The following ZC3H12B variants were observed in gnomAD, a reference collection of about 807,000 sequenced individuals.
ZC3H12B encodes the protein zinc finger CCCH-type containing 12B.
A neutral mutation model predicts 43.9 loss-of-function variants in ZC3H12B; 7 were observed. The observed-to-expected ratio is 0.16, with a 90% CI of 0.09 to 0.30. ZC3H12B has a LOEUF of 0.30. ZC3H12B is among the 10% of genes least tolerant of loss of function. The probability of loss-of-function intolerance (pLI) is 1.00; values close to 1 mark genes in which losing one functional copy is unlikely to be tolerated. For missense variants in ZC3H12B, 475 were observed against 670.2 expected (o/e 0.71, Z 3.22); for synonymous variants, 222 against 241.7 (o/e 0.92, Z 0.76).
chrX:65,252,220 T>C, the ZC3H12B span, among the ~76,000 whole-genome samples: 1 of 111,774 alleles, frequency 8.9e-6, no homozygotes, highest in African/African-American at 3.3e-5. Flanking sequence ...TTGGTTCTGT[T>C]TATATGCTGG....
the ZC3H12B span, among the ~76,000 whole-genome samples, chrX:65,080,882 C>T: frequency 3.6e-5 from 4 of 111,271 alleles, no homozygotes; most frequent in South Asian, 1.5e-3. Context: ...AGTAGAAAGA[C>T]TAAATGATGA....
At chrX:65,356,484 A>G in the ZC3H12B span, among the ~76,000 whole-genome samples, 4 of 111,973 alleles carry the variant, frequency 3.6e-5, no homozygotes, top group Non-Finnish European at 5.6e-5. Context: ...ACTGAATACA[A>G]TGGTCTTGTG....
the ZC3H12B span, among the ~76,000 whole-genome samples, chrX:65,308,127 T>C: frequency 6.3e-4 from 70 of 111,303 alleles, no homozygotes; most frequent in African/African-American, 2.2e-3. Context: ...ATAGACCATA[T>C]GATAGGCCAC....
chrX:65,190,548 C>G, the ZC3H12B span, among the ~76,000 whole-genome samples: 2 of 106,067 alleles, frequency 1.9e-5, no homozygotes, highest in South Asian at 8.6e-4. Flanking sequence ...GTATTTTATT[C>G]TCTTTGAAGC....
chrX:65,313,771 A>G, the ZC3H12B span, among the ~76,000 whole-genome samples: 1 of 112,135 alleles, frequency 8.9e-6, no homozygotes, highest in African/African-American at 3.2e-5. Context: ...ACCCAAAATT[A>G]CTTTGCATAG....
chrX:65,163,081 G>T, the ZC3H12B span, among the ~76,000 whole-genome samples: 1 of 111,216 alleles, frequency 9.0e-6, no homozygotes, highest in African/African-American at 3.3e-5. Flanking sequence ...GCAGAACAGC[G>T]GATTTTTGTG....
the ZC3H12B span, among the ~76,000 whole-genome samples, chrX:65,222,656 A>T: frequency 9.4e-6 from 1 of 106,004 alleles, no homozygotes; most frequent in Non-Finnish European, 1.9e-5. Context: ...ATAATAAAAC[A>T]CTTAGGAAAT....
At chrX:65,336,795 G>A in the ZC3H12B span, among the ~76,000 whole-genome samples, 3 of 112,346 alleles carry the variant, frequency 2.7e-5, no homozygotes, top group South Asian at 3.7e-4. Flanking sequence ...TCTTCCACCA[G>A]TTCCATTAGC....
chrX:65,076,365 C>G, the ZC3H12B span, among the ~76,000 whole-genome samples: 1 of 110,779 alleles, frequency 9.0e-6, no homozygotes, highest in South Asian at 3.9e-4. Context: ...TCTCAAACTC[C>G]TGGCCTCAAG....
At chrX:65,263,043 T>G in the ZC3H12B span, among the ~76,000 whole-genome samples, 2 of 111,096 alleles carry the variant, frequency 1.8e-5, no homozygotes, top group Non-Finnish European at 3.8e-5. Flanking sequence ...CTGTATGACT[T>G]TGGGCAAATT....
At chrX:65,151,070 TA>T in the ZC3H12B span, among the ~76,000 whole-genome samples, 303 of 112,672 alleles carry the variant, frequency 2.7e-3, no homozygotes, top group African/African-American at 8.8e-3. Context: ...TAGTCATTTA[TA>T]ATTTTGTTTT....
At chrX:65,328,578 A>C in the ZC3H12B span, 16 of 175,924 alleles carry the variant, frequency 9.1e-5, no homozygotes, top group South Asian at 1.5e-3. Context: ...ATTATACTTT[A>C]AGTTTTAGGG....
the ZC3H12B span, among the ~76,000 whole-genome samples, chrX:65,184,673 G>T: frequency 3.6e-5 from 4 of 111,396 alleles, no homozygotes; most frequent in Non-Finnish European, 7.5e-5. Flanking sequence ...TACTTGAGAT[G>T]TAAAAAGTGT....
At chrX:65,122,102 G>C in the ZC3H12B span, among the ~76,000 whole-genome samples, 5 of 111,244 alleles carry the variant, frequency 4.5e-5, no homozygotes, top group Non-Finnish European at 7.5e-5. Context: ...GTGGTGTGGT[G>C]CTGAGAAGAA....
the ZC3H12B span, among the ~76,000 whole-genome samples, chrX:65,273,718 A>T: frequency 1.8e-5 from 2 of 112,163 alleles, no homozygotes; most frequent in Admixed American, 9.4e-5. Flanking sequence ...ACTTGTGACA[A>T]AAAAGAAAAC....
the ZC3H12B span, among the ~76,000 whole-genome samples, chrX:65,223,775 T>C: frequency 8.9e-6 from 1 of 111,981 alleles, no homozygotes; most frequent in South Asian, 3.7e-4. Context: ...TGTGATACCA[T>C]CCTATTCCTT....
chrX:65,273,451 G>A, the ZC3H12B span, among the ~76,000 whole-genome samples: 1 of 111,125 alleles, frequency 9.0e-6, no homozygotes, highest in African/African-American at 3.3e-5. Flanking sequence ...TAAGGGACTT[G>A]TGGCACATGA....
the ZC3H12B span, among the ~76,000 whole-genome samples, chrX:65,340,887 A>C: frequency 8.9e-6 from 1 of 112,329 alleles, no homozygotes; most frequent in South Asian, 3.7e-4. Flanking sequence ...TAAAATTCAG[A>C]ATATGAATAG....
chrX:65,436,516 A>G (rs2067223790), intron 3 of ZC3H12B, among the ~76,000 whole-genome samples: 1 of 112,004 alleles, frequency 8.9e-6, no homozygotes, highest in Non-Finnish European at 1.9e-5. Context: ...TTTTTTGGAA[A>G]CACCCTTACA....
Sources: allele counts gnomAD v4.1 joint callset (sites outside exome capture counted in the v4.1 genomes callset), GRCh38; gene constraint gnomAD v4.1.1; transcripts MANE v1.5; gene names NCBI Gene and HGNC (gene_info 2026-07-23, HGNC 2026-07-21).